SLC44A5: variants seen among roughly 807,000 people sequenced by gnomAD.
SLC44A5 encodes choline transporter-like protein 5.
SLC44A5 carries 57 observed loss-of-function variants against 101.8 expected under a neutral mutation model. The ratio of observed to expected loss-of-function variants is 0.56; its 90% CI spans 0.45 to 0.70. The LOEUF (loss-of-function observed/expected upper bound fraction) is 0.70, where lower values mean the gene tolerates loss of function less well. Ranked by LOEUF, SLC44A5 falls within the 30% of genes least tolerant of loss-of-function variation. SLC44A5 has a pLI of 0.00. For synonymous variants in SLC44A5, 281 were observed against 290.9 expected, an observed-to-expected ratio of 0.97 and a Z score of 0.35; for missense variants, 737 against 853.1, an observed-to-expected ratio of 0.86 and a Z score of 1.70.
intron 2 of SLC44A5, among the ~76,000 whole-genome samples, chr1:75,445,359 GGT>G (rs1008938403): frequency 1.3e-5 from 2 of 151,938 alleles, no homozygotes; most frequent in African/African-American, 4.8e-5. Flanking sequence ...AGCAGATGCT[GGT>G]GCCATCTTTG....
chr1:75,668,025 T>A, the SLC44A5 span, among the ~76,000 whole-genome samples: 1 of 152,348 alleles, frequency 6.6e-6, no homozygotes, highest in East Asian at 1.9e-4. Flanking sequence ...TTATTTTATA[T>A]AACTAATTTA....
At chr1:75,380,192 CAGT>C (rs1660853702) in intron 3 of SLC44A5, among the ~76,000 whole-genome samples, 2 of 80,070 alleles carry the variant, frequency 2.5e-5, no homozygotes, top group Non-Finnish European at 4.3e-5. Context: ...GGCAGTGCAG[CAGT>C]AGATTTATGT....
At chr1:75,487,419 G>A (rs982342086) in intron 2 of SLC44A5, among the ~76,000 whole-genome samples, 9 of 152,162 alleles carry the variant, frequency 5.9e-5, no homozygotes, top group South Asian at 2.1e-4. Context: ...TAGTAGCTCC[G>A]AGACAAGATA....
intron 2 of SLC44A5, among the ~76,000 whole-genome samples, chr1:75,490,503 G>A (rs1668371905): frequency 6.6e-6 from 1 of 152,100 alleles, no homozygotes; most frequent in Non-Finnish European, 1.5e-5. Context: ...TATAATTTAT[G>A]AAAAGAGCAT....
the SLC44A5 span, among the ~76,000 whole-genome samples, chr1:75,689,523 C>T: frequency 1.5e-3 from 224 of 152,200 alleles, 1 homozygote; most frequent in South Asian, 0.015. Flanking sequence ...AGCCATTGTA[C>T]GAGGCCCTAA....
intron 2 of SLC44A5, among the ~76,000 whole-genome samples, chr1:75,429,388 TC>T (rs1664485173): frequency 6.6e-6 from 1 of 152,184 alleles, no homozygotes; most frequent in African/African-American, 2.4e-5. Context: ...TATATCTGGA[TC>T]CTCACTATCA....
intron 11 of SLC44A5, among the ~76,000 whole-genome samples, chr1:75,234,776 G>A (rs1416143232): frequency 6.6e-6 from 1 of 151,958 alleles, no homozygotes; most frequent in African/African-American, 2.4e-5. Flanking sequence ...TTAACAGCAC[G>A]ACTATCTTCT....
intron 1 of SLC44A5, among the ~76,000 whole-genome samples, chr1:75,602,244 G>T (rs1307185036): frequency 1.3e-5 from 2 of 152,076 alleles, no homozygotes; most frequent in African/African-American, 4.8e-5. Flanking sequence ...TTCAGGCAGT[G>T]AGAGTTTACA....
chr1:75,513,882 G>T (rs546625656), intron 2 of SLC44A5, among the ~76,000 whole-genome samples: 99 of 152,272 alleles, frequency 6.5e-4, no homozygotes, highest in Non-Finnish European at 1.3e-3. Context: ...GCACAGCCTG[G>T]AGTGCAGTGG....
chr1:75,361,463 A>G (rs1308088866), intron 3 of SLC44A5, among the ~76,000 whole-genome samples: 1 of 152,010 alleles, frequency 6.6e-6, no homozygotes, highest in African/African-American at 2.4e-5. Context: ...TGAAACTTTC[A>G]CAGTATGTTA....
At chr1:75,548,052 C>T (rs2101972093) in intron 1 of SLC44A5, among the ~76,000 whole-genome samples, 1 of 152,182 alleles carries the variant, frequency 6.6e-6, no homozygotes, top group South Asian at 2.1e-4. Flanking sequence ...TATTTTAATA[C>T]TTTATTTCCA....
At chr1:75,365,341 G>T (rs1659781455) in intron 3 of SLC44A5, among the ~76,000 whole-genome samples, 1 of 151,968 alleles carries the variant, frequency 6.6e-6, no homozygotes, top group African/African-American at 2.4e-5. Context: ...CCTCTGGTAG[G>T]CCCCAGTGTA....
chr1:75,344,904 T>C (rs886513724), intron 3 of SLC44A5, among the ~76,000 whole-genome samples: 12 of 152,160 alleles, frequency 7.9e-5, no homozygotes, highest in African/African-American at 2.7e-4. Context: ...ACTGGATTAC[T>C]ACATAGTTTC....
chr1:75,561,678 C>G (rs1002782345), intron 1 of SLC44A5, among the ~76,000 whole-genome samples: 2 of 152,164 alleles, frequency 1.3e-5, no homozygotes, highest in Non-Finnish European at 2.9e-5. Context: ...CACAAAATCT[C>G]TCCAACATCC....
chr1:75,660,461 A>G, the SLC44A5 span, among the ~76,000 whole-genome samples: 3 of 152,166 alleles, frequency 2.0e-5, no homozygotes, highest in Admixed American at 2.0e-4. Context: ...ATAGTAGTAG[A>G]AGTCATAGCC....
intron 16 of SLC44A5, among the ~76,000 whole-genome samples, 178 bp from the exon 17 acceptor site, chr1:75,218,930 A>G (rs1244797428): frequency 6.6e-6 from 1 of 152,136 alleles, no homozygotes; most frequent in African/African-American, 2.4e-5. Context: ...AGTGCTGGAA[A>G]GTATCCCATT....
chr1:75,683,519 C>T, the SLC44A5 span, among the ~76,000 whole-genome samples: 1 of 152,078 alleles, frequency 6.6e-6, no homozygotes, highest in South Asian at 2.1e-4. Context: ...AAAAACCAAA[C>T]ACCGCATATT....
intron 3 of SLC44A5, among the ~76,000 whole-genome samples, chr1:75,372,705 A>G (rs759711722): frequency 2.0e-5 from 3 of 152,204 alleles, no homozygotes; most frequent in Non-Finnish European, 4.4e-5. Context: ...TAAACTTTTC[A>G]TGGTAATGTT....
chr1:75,402,673 C>T lies in SLC44A5; in HGVS notation c.14-6052G>A, dbSNP rs185315360. Among the ~76,000 whole-genome samples, 344 of 152,178 alleles carry T rather than the reference C, an allele frequency of 2.3e-3. 1 individual carries two copies. The highest frequency in any genetic ancestry group is 7.6e-3 in the African/African-American group (317 of 41,502). The stretch of plus-strand genomic sequence containing the variant: ...ATTCTGGCCCAGATACTACACTTTT[C>T]CCATGGTCTTCACAACCCACAGATT... On this transcript the variant is annotated intron_variant, in intron 2 of 23. Transcript: ENST00000370859.
Sources: allele counts gnomAD v4.1 joint callset (sites outside exome capture counted in the v4.1 genomes callset), GRCh38; gene constraint gnomAD v4.1.1; transcripts MANE v1.5; gene names NCBI Gene and HGNC (gene_info 2026-07-23, HGNC 2026-07-21).